The following TBKBP1 variants were observed in gnomAD, a reference collection of about 807,000 sequenced individuals.
The protein encoded by TBKBP1 is TANK-binding kinase 1-binding protein 1.
Under a neutral mutation model 69.9 loss-of-function variants are expected in TBKBP1, and 47 were observed. The ratio of observed to expected loss-of-function variants is 0.67; its 90% CI spans 0.53 to 0.86. TBKBP1 has a LOEUF of 0.86. TBKBP1 is among the 40% of genes least tolerant of loss of function. The pLI, the probability that TBKBP1 is intolerant of heterozygous loss-of-function variation, is 0.00. For synonymous variants in TBKBP1, 418 were observed against 390.3 expected (o/e 1.07, Z -0.84); for missense variants, 831 against 858.6 (o/e 0.97, Z 0.40).
rs1332319363 is a variant in TBKBP1, at chr17:47,699,441, C to G, written c.756C>G (p.Ala252=). Residue 252 remains alanine, a synonymous_variant, in exon 6 of 10, where the codon GCC becomes GCG. Coordinates refer to ENST00000578982, the MANE Select transcript of TBKBP1 (RefSeq NM_001394755.1). ...GAQLREEQLQ[A]ECERLQGELK... ...AGCTCCGGGAGGAGCAGCTCCAGGC[C>G]GAGTGCGAGCGGCTGCAGGGGGAGC... The G allele has an allele frequency of 1.3e-6, 2 of 1,569,588 alleles. No homozygotes were observed. Among genetic ancestry groups the G allele is most frequent in the Non-Finnish European group, 8.6e-7 (1 of 1,159,632 alleles).
chr17:47,699,320 C>T lies in TBKBP1; in HGVS notation c.635C>T (p.Ala212Val), dbSNP rs777470018. 2.0e-6 allele frequency: 3 copies of T among 1,523,046 alleles called. No homozygotes were observed. The highest frequency in any genetic ancestry group is 2.6e-5 in the South Asian group (2 of 77,026). 94.3% of individuals were successfully genotyped at this position (1,523,046 alleles called of 1,614,324 possible). A position where few individuals can be genotyped will look rare whatever the true frequency, so the allele number is the denominator to read the frequency against. The change falls in exon 6 of 10, where the codon GCA (alanine) becomes GTA (valine). Residue 212 changes from alanine (A) to valine (V), a missense_variant and splice_region_variant. By Grantham distance (64) the Ala-to-Val change is moderately conservative (BLOSUM62 0). Transcript: ENST00000578982. ...ALRGGSGLSH[A>V]GWPGSTPSVS... ...CTGACGTTGTCCTGTCCACCGACAG[C>T]AGGCTGGCCGGGCTCCACACCCAGT... is the stretch of plus-strand genomic sequence containing the variant.
intron 7 of TBKBP1, among the ~76,000 whole-genome samples, chr17:47,707,652 A>G (rs573036560): frequency 3.3e-5 from 5 of 152,338 alleles, no homozygotes; most frequent in Admixed American, 6.5e-5. Context: ...GCTGTTCACA[A>G]AGATCTCAGT....
At chr17:47,695,958 G>A (rs2031213183) in intron 1 of TBKBP1, 121 bp from the exon 2 acceptor site, 3 of 610,640 alleles carry the variant, frequency 4.9e-6, no homozygotes, top group African/African-American at 3.7e-5. Flanking sequence ...TGCTGAGCTC[G>A]GGGCAGGAAG....
Position 47,707,407 on chromosome 17 carries a change from A to G in TBKBP1, c.873-987A>G, listed in dbSNP as rs528906842. 1.5e-4 allele frequency among the ~76,000 whole-genome samples: 23 copies of G among 152,362 alleles called. No homozygotes were observed. The South Asian group carries it at 2.9e-3, about 19-fold the overall frequency. ...GGGTGGGTGCCCAAGATGCCTGAAC[A>G]GGAAGCAGGGAGGAAGAAAGGGAAG... On this transcript the variant is annotated intron_variant, in intron 7 of 9. Transcript: ENST00000578982.
Position 47,710,587 on chromosome 17 carries a change from C to T in TBKBP1, c.1809C>T (p.Ile603=). 1 of 1,611,990 alleles carries T rather than the reference C, an allele frequency of 6.2e-7. No homozygotes were observed. The highest frequency in any genetic ancestry group is 1.1e-5 in the South Asian group (1 of 91,042). Residue 603 remains isoleucine (I), a synonymous_variant, in exon 10 of 10, where the codon ATC becomes ATT. Coordinates refer to ENST00000578982, the MANE Select transcript of TBKBP1 (RefSeq NM_001394755.1). ...TCGGGTACCCGGATGATGCCCTCAT[C>T]AAACACATTGACTCCCACCTGGAGA... ...FPVGYPDDAL[I]KHIDSHLENS... is the part of the protein sequence containing the mutation.
chr17:47,694,730 G>C (rs1200526052), intron 1 of TBKBP1: 2 of 152,258 alleles, frequency 1.3e-5, no homozygotes, highest in Non-Finnish European at 2.9e-5. Context: ...GGTCTGGGGG[G>C]GTGTGGTAAG....
At position 47,709,197 on chromosome 17, in the gene TBKBP1, G is replaced by C. The variant is rs544410447; in HGVS notation, c.1464G>C (p.Lys488Asn). 3 of 1,509,988 alleles carry C rather than the reference G, an allele frequency of 2.0e-6. No individual in the cohort carries two copies. Among genetic ancestry groups the C allele is most frequent in the Non-Finnish European group, 2.6e-6 (3 of 1,138,210 alleles). The allele number at this position is 1,509,988 out of a possible 1,614,324, so 93.5% of individuals were successfully genotyped here. A position where few individuals can be genotyped will look rare whatever the true frequency, so the allele number is the denominator to read the frequency against. The stretch of plus-strand genomic sequence containing the variant: ...AGGCCGAAGCGGCCACTCTCCCCAA[G>C]CCCCGGGCCTACGGCAGCGAGCTCT... ...WLQAEAATLP[K>N]PRAYGSELYG... Residue 488 changes from lysine (K) to asparagine (N), a missense_variant, in exon 9 of 10, where the codon AAG becomes AAC. Physicochemically the swap from Lys to Asn is moderately conservative, Grantham distance 94. Transcript: ENST00000578982.
chr17:47,706,452 G>C (rs1415073421), intron 7 of TBKBP1, among the ~76,000 whole-genome samples: 3 of 152,158 alleles, frequency 2.0e-5, no homozygotes, highest in Non-Finnish European at 4.4e-5. Flanking sequence ...GGATGAGGGG[G>C]CACAGGACAC....
Position 47,711,325 on chromosome 17 carries a change from A to G in TBKBP1, c.*699A>G, listed in dbSNP as rs1362644637. On this transcript the variant is annotated 3_prime_UTR_variant, in exon 10 of 10. Transcript: ENST00000578982. ...GCCTAAAGAGGCTTCTCTGAGGGCCAGGGCCCTACAGCATGCCCCTACGGC... is the reference window on the plus strand; with the variant it reads ...GCCTAAAGAGGCTTCTCTGAGGGCCGGGGCCCTACAGCATGCCCCTACGGC... 9 of 152,744 alleles carry G rather than the reference A, an allele frequency of 5.9e-5. No homozygotes were observed. 9.5% of individuals were successfully genotyped at this position (152,744 alleles called of 1,614,324 possible).
Position 47,699,387 on chromosome 17 carries a change from G to A in TBKBP1, c.702G>A (p.Glu234=), listed in dbSNP as rs1597957936. Residue 234 remains glutamate (E), a synonymous_variant, in exon 6 of 10, where the codon GAG becomes GAA. Transcript: ENST00000578982. ...GGCGGCGGCTAGAAGAGGCTTTGGA[G>A]GCCGCGCAGGGAGAGGCCCGGGGGG... ...LERRRLEEAL[E]AAQGEARGAQ... 6.4e-7 allele frequency: 1 copy of A among 1,565,456 alleles called. No homozygotes were observed. Among genetic ancestry groups the A allele is most frequent in the South Asian group, 1.2e-5 (1 of 85,040 alleles).
At chr17:47,699,927 A>G (rs568563448) in intron 7 of TBKBP1, among the ~76,000 whole-genome samples, 88 of 150,804 alleles carry the variant, frequency 5.8e-4, no homozygotes, top group African/African-American at 1.8e-3. Context: ...GGTTCAAGCA[A>G]TTCTCCTGCC....
At position 47,696,707 on chromosome 17, in the gene TBKBP1, G is replaced by T. The variant is rs750357096; in HGVS notation, c.226-4G>T. On this transcript the variant is annotated splice_polypyrimidine_tract_variant and splice_region_variant and intron_variant, in intron 2 of 9. Coordinates refer to ENST00000578982, the MANE Select transcript of TBKBP1 (RefSeq NM_001394755.1). Reference sequence around the variant, plus strand: ...ACTCTCCTGAAGCTCCACCCCACCTGCAGTACCCACTGATCAGTGACTTTG... The same window carrying T: ...ACTCTCCTGAAGCTCCACCCCACCTTCAGTACCCACTGATCAGTGACTTTG... The T allele has an allele frequency of 1.2e-6, 2 of 1,613,834 alleles. No homozygotes were observed. Among genetic ancestry groups the T allele is most frequent in the Admixed American group, 1.7e-5 (1 of 60,016 alleles).
chr17:47,708,380 C>T lies in TBKBP1; in HGVS notation c.873-14C>T, dbSNP rs1462832584. The T allele has an allele frequency of 4.3e-6, 7 of 1,613,486 alleles. No individual in the cohort carries two copies. The highest frequency in any genetic ancestry group is 5.1e-6 in the Non-Finnish European group (6 of 1,179,604). On this transcript the variant is annotated splice_polypyrimidine_tract_variant and intron_variant, in intron 7 of 9. Coordinates refer to ENST00000578982, the MANE Select transcript of TBKBP1 (RefSeq NM_001394755.1). This position sits in a 1 kb window ranked among gnomAD's most constrained non-coding sequence, Gnocchi z 4.4. The stretch of plus-strand genomic sequence containing the variant: ...ACTGCCCTTCTCGTCTTTCCCACTG[C>T]CCTCTGACTTCAGGGTGAATTTGGC...
intron 3 of TBKBP1, 80 bp downstream of exon 3, chr17:47,696,913 G>A: frequency 6.4e-7 from 1 of 1,571,934 alleles, no homozygotes; most frequent in East Asian, 2.3e-5. Context: ...ACACCCCCCA[G>A]CATCTGGCCT....
Position 47,708,985 on chromosome 17 carries a change from C to T in TBKBP1, c.1252C>T (p.Pro418Ser). Residue 418 changes from proline (P) to serine (S), a missense_variant, in exon 9 of 10, where the codon CCC (proline) becomes TCC (serine). Pro to Ser is a moderately conservative substitution (Grantham distance 74). Coordinates refer to ENST00000578982, the MANE Select transcript of TBKBP1 (RefSeq NM_001394755.1). The surrounding 1 kb of genome is among the most constrained non-coding windows in gnomAD (Gnocchi z 4.4). ...CAGCCCGCAGCGCCGTTCCCCGGTGCCCCCCAGCTGCCCGGCCCCGCAGCC... is the reference window on the plus strand; with the variant it reads ...CAGCCCGCAGCGCCGTTCCCCGGTGTCCCCCAGCTGCCCGGCCCCGCAGCC... ...SPSPQRRSPV[P>S]PSCPAPQPRP... The T allele has an allele frequency of 3.6e-6, 4 of 1,126,276 alleles. No individual in the cohort carries two copies. The highest frequency in any genetic ancestry group is 4.3e-6 in the Non-Finnish European group (4 of 921,216). 69.8% of individuals were successfully genotyped at this position (1,126,276 alleles called of 1,614,324 possible). A position where few individuals can be genotyped will look rare whatever the true frequency, so the allele number is the denominator to read the frequency against.
intron 7 of TBKBP1, among the ~76,000 whole-genome samples, chr17:47,702,963 G>A (rs543044903): frequency 3.0e-5 from 4 of 131,932 alleles, no homozygotes; most frequent in South Asian, 2.7e-4. Flanking sequence ...GGGTATGGCC[G>A]TGCTGAGGGG....
intron 4 of TBKBP1, 92 bp downstream of exon 4, chr17:47,697,285 C>T (rs972797648): frequency 7.1e-6 from 8 of 1,125,242 alleles, no homozygotes; most frequent in Admixed American, 2.0e-5. Context: ...GGATTCCAGC[C>T]TGTGACAGTG....
At chr17:47,695,707 A>C in intron 1 of TBKBP1, 7 of 165,178 alleles carry the variant, frequency 4.2e-5, no homozygotes, top group East Asian at 1.7e-4. Context: ...TATTTGGGGA[A>C]GTAAGGCCTG....
Position 47,699,487 on chromosome 17 carries a change from C to A in TBKBP1, c.802C>A (p.Arg268=). The change falls in exon 6 of 10, where the codon CGG becomes AGG. Residue 268 remains arginine (R), a synonymous_variant. Transcript: ENST00000578982. ...QGELKQLQET[R]AQDLASNQSE... Reference sequence around the variant, plus strand: ...GGAGCTGAAGCAGCTGCAGGAGACCCGGGCCCAGGTAAATGCAGGGGCCTG... The same window carrying A: ...GGAGCTGAAGCAGCTGCAGGAGACCAGGGCCCAGGTAAATGCAGGGGCCTG... 3 of 1,581,258 alleles carry A rather than the reference C, an allele frequency of 1.9e-6. No individual in the cohort carries two copies. The highest frequency in any genetic ancestry group is 1.7e-6 in the Non-Finnish European group (2 of 1,162,588).
Sources: gnomAD v4.1 joint callset for allele counts (sites outside exome capture counted in the v4.1 genomes callset) on GRCh38, gnomAD v4.1.1 for gene constraint, Gnocchi (gnomAD v3.1) non-coding constraint, MANE v1.5 for transcripts, NCBI Gene and HGNC (gene_info 2026-07-23, HGNC 2026-07-21) for gene names.